Variants in RABGEF1 observed in about 807,000 individuals in gnomAD.
The protein encoded by RABGEF1 is rab5 GDP/GTP exchange factor.
Under a neutral mutation model 57.3 loss-of-function variants are expected in RABGEF1, and 26 were observed. The ratio of observed to expected loss-of-function variants is 0.45; its 90% CI spans 0.33 to 0.63. The LOEUF is 0.63. Ranked by LOEUF, RABGEF1 falls within the 20% of genes least tolerant of loss-of-function variation. RABGEF1 has a pLI of 0.02. For missense variants in RABGEF1, 464 were observed against 607.6 expected (o/e 0.76, Z 2.48); for synonymous variants, 185 against 210.7 (o/e 0.88, Z 1.06).
rs141767363 is a variant in RABGEF1 at position 66,692,093 on chromosome 7, A to G, written c.-873+9835A>G. Reference sequence around the variant, plus strand: ...AACAAACAAACAAATAAATAAATAAATAAAAGTGTATAAATTTGTTTCATT... The same window carrying G: ...AACAAACAAACAAATAAATAAATAAGTAAAAGTGTATAAATTTGTTTCATT... On this transcript the variant is annotated intron_variant and NMD_transcript_variant, in intron 1 of 9. Coordinates refer to the RABGEF1 transcript ENST00000607882. Among the ~76,000 whole-genome samples the G allele has an allele frequency of 2.3e-3, 348 of 152,230 alleles. 1 individual carries two copies. Among genetic ancestry groups the G allele is most frequent in the South Asian group, 0.012 (57 of 4,816 alleles).
chr7:66,708,841 G>T (rs891298696), intron 1 of RABGEF1, among the ~76,000 whole-genome samples: 1 of 151,728 alleles, frequency 6.6e-6, no homozygotes, highest in Non-Finnish European at 1.5e-5. Context: ...CAGAAAAATA[G>T]GTTTTGTTTT....
In RABGEF1 at chr7:66,751,640, C is replaced by G. The variant is rs73700310; in HGVS notation, c.-18+10848C>G. 3.5e-3 allele frequency among the ~76,000 whole-genome samples: 531 copies of G among 152,274 alleles called. 4 individuals carry two copies. The highest frequency in any genetic ancestry group is 0.012 in the African/African-American group (495 of 41,556). On this transcript the variant is annotated intron_variant, in intron 1 of 8. Coordinates refer to ENST00000284957, the MANE Select transcript of RABGEF1 (RefSeq NM_014504.3). ...ATTTTGCTCTGATTTGCCCTTACTC[C>G]TAGCAGGTACCCACCTAAGACTTTC...
At chr7:66,683,006 G>C (rs1184618245) in intron 1 of RABGEF1, among the ~76,000 whole-genome samples, 1 of 152,166 alleles carries the variant, frequency 6.6e-6, no homozygotes, top group Non-Finnish European at 1.5e-5. Context: ...GAAATGTGTC[G>C]TGGGCGTCCG....
chr7:66,716,295 A>G (rs565108434), intron 2 of RABGEF1, among the ~76,000 whole-genome samples: 1 of 152,244 alleles, frequency 6.6e-6, no homozygotes, highest in South Asian at 2.1e-4. Context: ...CTTATAATCT[A>G]CCTATATTAA....
chr7:66,698,101 A>ACC (rs140832726), intron 1 of RABGEF1, among the ~76,000 whole-genome samples: 15 of 114,788 alleles, frequency 1.3e-4, no homozygotes, highest in African/African-American at 2.7e-4. Flanking sequence ...ACAGCCACGC[A>ACC]CCCCCCCCAC....
chr7:66,747,173 T>TG (rs1275525538), intron 1 of RABGEF1, among the ~76,000 whole-genome samples: 1 of 152,210 alleles, frequency 6.6e-6, no homozygotes, highest in Non-Finnish European at 1.5e-5. Context: ...ACCATTATTA[T>TG]GATCAATTAA....
upstream of RABGEF1, among the ~76,000 whole-genome samples, chr7:66,678,221 C>T (rs1278784464): frequency 6.6e-6 from 1 of 152,140 alleles, no homozygotes; most frequent in Non-Finnish European, 1.5e-5. Context: ...TCCCCTGCCC[C>T]TCCCATCCTG....
rs146109540 is a variant in RABGEF1 at position 66,708,310 on chromosome 7, G to C, written c.-872-3857G>C. Among the ~76,000 whole-genome samples, 1,030 of 151,252 alleles carry C rather than the reference G, an allele frequency of 6.8e-3. 13 individuals are homozygous for C. The highest frequency in any genetic ancestry group is 0.023 in the African/African-American group (965 of 41,200). ...TTTCCTAATTTTTTCTTTTGAGACA[G>C]GGTCTCACTCCAATTTGCCCAAGCT... On this transcript the variant is annotated intron_variant and NMD_transcript_variant, in intron 1 of 9. Transcript: ENST00000607882.
chr7:66,748,408 G>A (rs1800720640), intron 1 of RABGEF1, among the ~76,000 whole-genome samples: 1 of 152,106 alleles, frequency 6.6e-6, no homozygotes, highest in African/African-American at 2.4e-5. Flanking sequence ...CAGCAGTGGG[G>A]TTTGAGTTTG....
chr7:66,759,936 G>A (rs1205669053), intron 1 of RABGEF1, among the ~76,000 whole-genome samples: 2 of 152,160 alleles, frequency 1.3e-5, no homozygotes, highest in Non-Finnish European at 2.9e-5. Flanking sequence ...AGGAAATCAG[G>A]TGTTTACCAT....
At chr7:66,684,317 A>C (rs919818898) in intron 1 of RABGEF1, among the ~76,000 whole-genome samples, 2 of 152,102 alleles carry the variant, frequency 1.3e-5, no homozygotes, top group Admixed American at 1.3e-4. Context: ...GATGGCGCCT[A>C]CCTGTAATCC....
chr7:66,686,495 A>G (rs1790657721), intron 1 of RABGEF1, among the ~76,000 whole-genome samples: 2 of 152,216 alleles, frequency 1.3e-5, no homozygotes, highest in Non-Finnish European at 2.9e-5. Flanking sequence ...TTCATAGTAC[A>G]GGCCGAACAT....
rs1371829092 is a variant in RABGEF1 at position 66,726,153 on chromosome 7, G to A, written c.-814-13843G>A. ...CAGAGCCAGAATCCCAAAGCACCCAGCCTGGGCTTTGCCCACAGCTGGGAC... is the reference window on the plus strand; with the variant it reads ...CAGAGCCAGAATCCCAAAGCACCCAACCTGGGCTTTGCCCACAGCTGGGAC... On this transcript the variant is annotated intron_variant and NMD_transcript_variant, in intron 2 of 9. Coordinates refer to the RABGEF1 transcript ENST00000607882. 3.9e-5 allele frequency among the ~76,000 whole-genome samples: 6 copies of A among 152,226 alleles called. No individual in the cohort carries two copies. In the South Asian group the frequency reaches 1.2e-3, roughly 32 times the overall value.
chr7:66,797,593 A>T, intron 6 of RABGEF1, 87 bp downstream of exon 6: 2 of 1,420,206 alleles, frequency 1.4e-6, no homozygotes, highest in South Asian at 2.6e-5. Context: ...TGTGTTTCAA[A>T]CCTTAAGGGA....
At chr7:66,732,884 G>A (rs1382821934) in intron 2 of RABGEF1, among the ~76,000 whole-genome samples, 1 of 152,142 alleles carries the variant, frequency 6.6e-6, no homozygotes, top group East Asian at 1.9e-4. Flanking sequence ...TATTGCACCA[G>A]CCTCTGCCAG....
intron 1 of RABGEF1, among the ~76,000 whole-genome samples, chr7:66,698,107 C>A (rs905183728): frequency 2.0e-5 from 3 of 152,034 alleles, no homozygotes; most frequent in Non-Finnish European, 4.4e-5. Context: ...ACGCACCCCC[C>A]CCACCCTCAG....
intron 1 of RABGEF1, among the ~76,000 whole-genome samples, chr7:66,754,297 A>T (rs2129068064): frequency 6.6e-6 from 1 of 151,732 alleles, no homozygotes; most frequent in East Asian, 1.9e-4. Flanking sequence ...CCACTGTGCC[A>T]GGCCTTTGCC....
At chr7:66,701,709 A>C (rs962257930) in intron 1 of RABGEF1, among the ~76,000 whole-genome samples, 1 of 152,058 alleles carries the variant, frequency 6.6e-6, no homozygotes, top group Non-Finnish European at 1.5e-5. Flanking sequence ...AGGTTTCACC[A>C]TGTTGGCCAG....
At chr7:66,681,946 G>A (rs969392676), upstream of RABGEF1, among the ~76,000 whole-genome samples, 19 of 152,326 alleles carry the variant, frequency 1.2e-4, no homozygotes, top group African/African-American at 4.3e-4. Flanking sequence ...CAGCGCCCCA[G>A]CTTTAGCGCG....
Sources: gnomAD v4.1 joint callset for allele counts (sites outside exome capture counted in the v4.1 genomes callset) on GRCh38, gnomAD v4.1.1 for gene constraint, MANE v1.5 for transcripts, NCBI Gene and HGNC (gene_info 2026-07-23, HGNC 2026-07-21) for gene names.